LTBP2: variants seen among roughly 807,000 people sequenced by gnomAD.
LTBP2 encodes latent-transforming growth factor beta-binding protein 2.
Under a neutral mutation model 210.6 loss-of-function variants are expected in LTBP2, and 103 were observed. The ratio of observed to expected loss-of-function variants is 0.49; its 90% CI spans 0.42 to 0.58. The LOEUF is 0.58. Ranked by LOEUF, LTBP2 falls within the 20% of genes least tolerant of loss-of-function variation. LTBP2 has a pLI of 0.00. For synonymous variants in LTBP2, 1,007 were observed against 1,015.0 expected (o/e 0.99, Z 0.15); for missense variants, 2,313 against 2,494.5 (o/e 0.93, Z 1.55).
intron 4 of LTBP2, among the ~76,000 whole-genome samples, chr14:74,555,134 A>G (rs1055512543): frequency 6.6e-6 from 1 of 152,132 alleles, no homozygotes; most frequent in African/African-American, 2.4e-5. Flanking sequence ...GTGCTGAGGT[A>G]ACAACTGGTT....
chr14:74,593,356 G>C (rs935453124), intron 2 of LTBP2, among the ~76,000 whole-genome samples: 3 of 152,216 alleles, frequency 2.0e-5, no homozygotes, highest in African/African-American at 4.8e-5. Flanking sequence ...GGGGGCAGGA[G>C]GATTGGTTTG....
At position 74,500,678 on chromosome 14, in the gene LTBP2, G is replaced by A. The variant is rs192723743; in HGVS notation, c.*206C>T. 7.6e-6 allele frequency: 5 copies of A among 655,234 alleles called. No homozygotes were observed. In the Admixed American group the frequency reaches 1.1e-4, roughly 15 times the overall value. 40.6% of individuals were successfully genotyped at this position (655,234 alleles called of 1,614,324 possible). A position where few individuals can be genotyped will look rare whatever the true frequency, so the allele number is the denominator to read the frequency against. On this transcript the variant is annotated 3_prime_UTR_variant, in exon 36 of 36. Transcript: ENST00000261978. ...CGGTGGCTGAAGCATTAAAGCGATT[G>A]GTGGTGCTTGAGCCAAGCAAGGGCA...
rs1211478634 is a variant in LTBP2, at chr14:74,510,107, A to T, written c.3135T>A (p.Asp1045Glu). ...SCEQGYEVTSDEKGCQDVDEC... is the reference protein window; with the variant it reads ...SCEQGYEVTSEEKGCQDVDEC... ...TCTCTGTACCTTGGCAGCCCTTCTC[A>T]TCTGAGGTGACCTCATAGCCCTGCT... The change falls in exon 20 of 36, where the codon GAT becomes GAA. Residue 1045 changes from aspartate to glutamate, a missense_variant. Around this residue, in one of 3 missense-constraint regions of LTBP2, gnomAD observed 1,867 missense variants for 1,976.9 expected, o/e 0.94. Transcript: ENST00000261978. The T allele has an allele frequency of 6.2e-7, 1 of 1,613,988 alleles. No homozygotes were observed. The highest frequency in any genetic ancestry group is 2.2e-5 in the East Asian group (1 of 44,892).
chr14:74,558,224 AC>A (rs961158280), intron 3 of LTBP2, among the ~76,000 whole-genome samples: 4 of 152,088 alleles, frequency 2.6e-5, no homozygotes, highest in African/African-American at 9.7e-5. Context: ...ACAGAGAGAC[AC>A]CCCATCAAAA....
intron 2 of LTBP2, among the ~76,000 whole-genome samples, chr14:74,591,479 G>A (rs377072270): frequency 1.7e-4 from 26 of 152,324 alleles, no homozygotes; most frequent in African/African-American, 6.3e-4. Flanking sequence ...AACCATGTAG[G>A]ATGCTGTGCA....
intron 19 of LTBP2, among the ~76,000 whole-genome samples, chr14:74,510,618 C>A (rs1291417783): frequency 6.6e-6 from 1 of 152,262 alleles, no homozygotes; most frequent in Non-Finnish European, 1.5e-5. Flanking sequence ...CAAGCAGCTT[C>A]TGCGGGTGGG....
Position 74,516,913 on chromosome 14 carries a change from C to T in LTBP2, c.2817G>A (p.Val939=). The change falls in exon 18 of 36, where the codon GTG becomes GTA. Residue 939 remains valine (V), a synonymous_variant. Coordinates refer to ENST00000261978, the MANE Select transcript of LTBP2 (RefSeq NM_000428.3). Reference sequence around the variant, plus strand: ...TGTTGGTGCACTGCCCCCCGCTGCACACCCCTGGCTGCTCACACTCATTGA... The same window carrying T: ...TGTTGGTGCACTGCCCCCCGCTGCATACCCCTGGCTGCTCACACTCATTGA... ...QDINECEQPG[V]CSGGQCTNTE... 1.9e-6 allele frequency: 3 copies of T among 1,551,978 alleles called. No individual in the cohort carries two copies. The highest frequency in any genetic ancestry group is 2.6e-6 in the Non-Finnish European group (3 of 1,147,122).
At chr14:74,527,691 C>T (rs868257865) in intron 12 of LTBP2, among the ~76,000 whole-genome samples, 6 of 152,212 alleles carry the variant, frequency 3.9e-5, no homozygotes, top group Non-Finnish European at 7.4e-5. Context: ...CCACCCCATC[C>T]ATTCTGGAGT....
At chr14:74,540,491 C>G (rs750839381) in intron 8 of LTBP2, among the ~76,000 whole-genome samples, 1 of 151,042 alleles carries the variant, frequency 6.6e-6, no homozygotes, top group South Asian at 2.1e-4. Flanking sequence ...ATAAATAAGG[C>G]GCAGTGGCTC....
At chr14:74,516,226 T>C (rs2087132916) in intron 18 of LTBP2, among the ~76,000 whole-genome samples, 1 of 152,232 alleles carries the variant, frequency 6.6e-6, no homozygotes, top group Non-Finnish European at 1.5e-5. Flanking sequence ...AGGGACGTGG[T>C]GGCAGCAAAG....
intron 7 of LTBP2, among the ~76,000 whole-genome samples, chr14:74,550,194 A>G (rs572358079): frequency 2.6e-4 from 39 of 152,320 alleles, no homozygotes; most frequent in African/African-American, 8.7e-4. Context: ...GGGACACCCC[A>G]GACACAAGAT....
intron 1 of LTBP2, among the ~76,000 whole-genome samples, chr14:74,611,143 G>C (rs2088600094): frequency 6.6e-6 from 1 of 152,222 alleles, no homozygotes; most frequent in Non-Finnish European, 1.5e-5. Flanking sequence ...GAGTCTACAA[G>C]AGCTCGTTAG....
At chr14:74,602,443 TGAG>T in intron 2 of LTBP2, among the ~76,000 whole-genome samples, 1 of 152,262 alleles carries the variant, frequency 6.6e-6, no homozygotes, top group South Asian at 2.1e-4. Flanking sequence ...ATGCAGAAAG[TGAG>T]GCCCAGAAAT....
intron 15 of LTBP2, 145 bp downstream of exon 15, chr14:74,524,979 G>C (rs977845010): frequency 8.7e-5 from 38 of 438,386 alleles, no homozygotes; most frequent in African/African-American, 7.4e-4. Context: ...GGGGTGCACA[G>C]CCCAGCTGGG....
intron 2 of LTBP2, among the ~76,000 whole-genome samples, chr14:74,597,731 A>G (rs1187239293): frequency 6.6e-6 from 1 of 152,148 alleles, no homozygotes; most frequent in Non-Finnish European, 1.5e-5. Context: ...TGCACCCTAC[A>G]TATCAGCTGG....
Position 74,586,268 on chromosome 14 carries a change from A to AG in LTBP2, c.566-151_566-150insC. Reference sequence around the variant, plus strand: ...TCTCCTGGCCTCAGGGGGCTCCCTGACCCATGTCTCTCCCACCTCCATCCA... The same window carrying AG: ...TCTCCTGGCCTCAGGGGGCTCCCTGAGCCCATGTCTCTCCCACCTCCATCCA... On this transcript the variant is annotated intron_variant, in intron 2 of 35. Transcript: ENST00000261978. The surrounding 1 kb of genome is among the most constrained non-coding windows in gnomAD (Gnocchi z 4.6). 1.2e-6 allele frequency: 1 copy of AG among 828,260 alleles called. No individual in the cohort carries two copies. Among genetic ancestry groups the AG allele is most frequent in the Non-Finnish European group, 1.9e-6 (1 of 535,996 alleles). The allele number at this position is 828,260 out of a possible 1,614,324, so 51.3% of individuals were successfully genotyped here. A position where few individuals can be genotyped will look rare whatever the true frequency, so the allele number is the denominator to read the frequency against.
At chr14:74,604,164 C>CAAACAAA (rs1273987376) in intron 1 of LTBP2, among the ~76,000 whole-genome samples, 20 of 72,738 alleles carry the variant, frequency 2.7e-4, no homozygotes, top group African/African-American at 1.4e-3. Flanking sequence ...TGCCTCTCAC[C>CAAACAAA]AAAAAAAAAA....
intron 3 of LTBP2, among the ~76,000 whole-genome samples, chr14:74,566,387 ACTCT>A: frequency 6.6e-6 from 1 of 152,204 alleles, no homozygotes; most frequent in East Asian, 1.9e-4. Context: ...CGTTCCCAGA[ACTCT>A]CTCTGCTGCC....
chr14:74,553,076 GC>G lies in LTBP2; in HGVS notation c.1022-15del. The G allele has an allele frequency of 6.2e-7, 1 of 1,613,896 alleles. No homozygotes were observed. Among genetic ancestry groups the G allele is most frequent in the Non-Finnish European group, 8.5e-7 (1 of 1,179,888 alleles). ...TGAGGTTCAGCCCTGCAGAGAGAGG[GC>G]TTGGGTCCAGGGGGCAGGGCTGAGA... On this transcript the variant is annotated splice_polypyrimidine_tract_variant and intron_variant, in intron 4 of 35. Coordinates refer to ENST00000261978, the MANE Select transcript of LTBP2 (RefSeq NM_000428.3).
Sources: gnomAD v4.1 joint callset for allele counts (sites outside exome capture counted in the v4.1 genomes callset) on GRCh38, gnomAD v4.1.1 for gene constraint, gnomAD v4.1.1 regional missense constraint, Gnocchi (gnomAD v3.1) non-coding constraint, MANE v1.5 for transcripts, NCBI Gene and HGNC (gene_info 2026-07-23, HGNC 2026-07-21) for gene names.